TRERF1: variants seen among roughly 807,000 people sequenced by gnomAD.
TRERF1 encodes the protein transcriptional-regulating factor 1.
In TRERF1, 27 loss-of-function variants were observed where a neutral mutation model predicts 122.9. The ratio of observed to expected loss-of-function variants is 0.22; its 90% confidence interval spans 0.16 to 0.30. The LOEUF (loss-of-function observed/expected upper bound fraction) is 0.30, where lower values mean the gene tolerates loss of function less well. Ranked by LOEUF, TRERF1 falls within the 10% of genes least tolerant of loss-of-function variation. The probability of loss-of-function intolerance (pLI) is 1.00; values close to 1 mark genes in which losing one functional copy is unlikely to be tolerated. For synonymous variants in TRERF1, 636 were observed against 641.7 expected (o/e 0.99, Z 0.13); for missense variants, 1,248 against 1,560.3 (o/e 0.80, Z 3.37).
At chr6:42,254,987 A>C (rs1387850493) in intron 12 of TRERF1, 61 bp from the exon 13 acceptor site, 2 of 1,547,560 alleles carry the variant, frequency 1.3e-6, no homozygotes, top group Non-Finnish European at 1.8e-6. Flanking sequence ...TCCTATGGAG[A>C]TCATCTACCC....
intron 2 of TRERF1, among the ~76,000 whole-genome samples, chr6:42,373,830 A>AG (rs1332878989): frequency 6.8e-6 from 1 of 147,424 alleles, no homozygotes; most frequent in Non-Finnish European, 1.5e-5. Flanking sequence ...AAAAAAAAAA[A>AG]GAAGAAGAAA....
At chr6:42,328,775 T>C (rs1764743203) in intron 3 of TRERF1, among the ~76,000 whole-genome samples, 1 of 152,110 alleles carries the variant, frequency 6.6e-6, no homozygotes, top group Non-Finnish European at 1.5e-5. Flanking sequence ...TGTTCACACA[T>C]TTCTAAAACT....
At chr6:42,339,055 G>A (rs1014186456) in intron 3 of TRERF1, among the ~76,000 whole-genome samples, 7 of 152,078 alleles carry the variant, frequency 4.6e-5, no homozygotes, top group Admixed American at 6.5e-5. Context: ...CAGGACTGAC[G>A]AAAGCAGCAG....
At chr6:42,440,748 G>T (rs1383103409) in intron 2 of TRERF1, among the ~76,000 whole-genome samples, 1 of 152,052 alleles carries the variant, frequency 6.6e-6, no homozygotes, top group African/African-American at 2.4e-5. Context: ...CAGCATTTTG[G>T]GGTGGCAGGG....
intron 3 of TRERF1, among the ~76,000 whole-genome samples, chr6:42,348,366 G>C (rs1028478474): frequency 1.3e-5 from 2 of 151,990 alleles, no homozygotes; most frequent in Non-Finnish European, 2.9e-5. Flanking sequence ...CGATTCTTCT[G>C]CCTCAGCCTC....
rs6913527 is a variant in TRERF1, at chr6:42,312,610, C to T, written c.-370-11861G>A. On this transcript the variant is annotated intron_variant, in intron 3 of 17. Coordinates refer to ENST00000372922, the Ensembl canonical transcript of TRERF1. The stretch of plus-strand genomic sequence containing the variant: ...CAGACAATGCTGGCGCTGGGTGTGC[C>T]GAGGTCTGGGCATCTGCACCTTCGG... 8.9e-3 allele frequency among the ~76,000 whole-genome samples: 1,349 copies of T among 152,204 alleles called. 16 individuals are homozygous for T. Among genetic ancestry groups the T allele is most frequent in the African/African-American group, 0.03 (1,246 of 41,510 alleles).
At chr6:42,317,161 C>T (rs906937385) in intron 3 of TRERF1, among the ~76,000 whole-genome samples, 1 of 152,008 alleles carries the variant, frequency 6.6e-6, no homozygotes, top group Non-Finnish European at 1.5e-5. Context: ...AACACCCTAG[C>T]CTCTGAGTTC....
chr6:42,421,350 AT>A (rs1197596790), intron 2 of TRERF1, among the ~76,000 whole-genome samples: 1 of 152,210 alleles, frequency 6.6e-6, no homozygotes, highest in African/African-American at 2.4e-5. Context: ...AAATATCTCT[AT>A]ATACACATAA....
In TRERF1 at chr6:42,228,169, A is replaced by C; in HGVS notation, c.*176T>G. The C allele has an allele frequency of 1.7e-6, 1 of 589,682 alleles. No homozygotes were observed. The highest frequency in any genetic ancestry group is 3.5e-5 in the South Asian group (1 of 28,366). The allele number at this position is 589,682 out of a possible 1,614,324, so 36.5% of individuals were successfully genotyped here. On this transcript the variant is annotated 3_prime_UTR_variant, in exon 18 of 18. Transcript: ENST00000372922. The surrounding 1 kb of genome is among the most constrained non-coding windows in gnomAD (Gnocchi z 4.2). ...ATTCCCCCAACCCCCCACAAAAACA[A>C]ATTTTTTTAAATAAAAGGAAAAGAA...
intron 2 of TRERF1, among the ~76,000 whole-genome samples, chr6:42,434,351 C>T (rs766625560): frequency 3.6e-4 from 54 of 151,372 alleles, no homozygotes; most frequent in Admixed American, 1.1e-3. Context: ...ATGAAGAGAA[C>T]CACACCTATG....
intron 2 of TRERF1, among the ~76,000 whole-genome samples, chr6:42,383,108 C>A (rs185849632): frequency 1.3e-5 from 2 of 152,224 alleles, no homozygotes; most frequent in Admixed American, 1.3e-4. Flanking sequence ...GTAGTCCCAG[C>A]TACTAGGGAG....
chr6:42,292,161 G>A (rs576094654), intron 4 of TRERF1, among the ~76,000 whole-genome samples: 1 of 152,272 alleles, frequency 6.6e-6, no homozygotes, highest in Admixed American at 6.5e-5. Flanking sequence ...CATTGCCTGG[G>A]GTGGGGTTTC....
At chr6:42,397,402 T>G (rs1008108915) in intron 2 of TRERF1, among the ~76,000 whole-genome samples, 1 of 152,222 alleles carries the variant, frequency 6.6e-6, no homozygotes, top group Non-Finnish European at 1.5e-5. Flanking sequence ...TATCACTGAT[T>G]AATATTGATT....
At chr6:42,354,132 C>T (rs1770056126) in intron 3 of TRERF1, among the ~76,000 whole-genome samples, 1 of 152,152 alleles carries the variant, frequency 6.6e-6, no homozygotes, top group Admixed American at 6.5e-5. Context: ...GGGTTTGGAT[C>T]CAGCTGCCTT....
chr6:42,262,949 C>T (rs1267516233), intron 8 of TRERF1, among the ~76,000 whole-genome samples: 1 of 152,168 alleles, frequency 6.6e-6, no homozygotes, highest in South Asian at 2.1e-4. Flanking sequence ...TGCTTACTTT[C>T]TGGGATACAG....
At chr6:42,403,939 C>CCA (rs11462455) in intron 2 of TRERF1, among the ~76,000 whole-genome samples, 1 of 152,126 alleles carries the variant, frequency 6.6e-6, no homozygotes, top group South Asian at 2.1e-4. Context: ...AGACCCCCCC[C>CCA]AGGCCTTGCC....
At position 42,228,692 on chromosome 6, in the gene TRERF1, G is replaced by A; in HGVS notation, c.3279-23C>T. 1.3e-6 allele frequency: 2 copies of A among 1,563,664 alleles called. No homozygotes were observed. The highest frequency in any genetic ancestry group is 1.7e-6 in the Non-Finnish European group (2 of 1,157,364). On this transcript the variant is annotated intron_variant, in intron 17 of 17. Coordinates refer to ENST00000372922, the Ensembl canonical transcript of TRERF1. The surrounding 1 kb of genome is among the most constrained non-coding windows in gnomAD (Gnocchi z 4.2). ...ACTCTAAAAATAAAGAAAGAGAGGT[G>A]TGTAGAATTTAGAAGGAGATCTGAG...
chr6:42,390,042 CTAAT>C (rs768560640), intron 2 of TRERF1, among the ~76,000 whole-genome samples: 35 of 152,096 alleles, frequency 2.3e-4, no homozygotes, highest in Admixed American at 4.6e-4. Context: ...ATCCTGGAAA[CTAAT>C]TATTGAATCG....
At chr6:42,378,420 C>G (rs548836108) in intron 2 of TRERF1, among the ~76,000 whole-genome samples, 3 of 151,102 alleles carry the variant, frequency 2.0e-5, no homozygotes, top group Admixed American at 2.0e-4. Flanking sequence ...ACTAAAGTAA[C>G]CGGCACTGAG....
Sources: gnomAD v4.1 joint callset for allele counts (sites outside exome capture counted in the v4.1 genomes callset) on GRCh38, gnomAD v4.1.1 for gene constraint, Gnocchi (gnomAD v3.1) non-coding constraint, MANE v1.5 for transcripts, NCBI Gene and HGNC (gene_info 2026-07-23, HGNC 2026-07-21) for gene names.